The following MAP1B variants were observed in gnomAD, a reference collection of about 807,000 sequenced individuals.
MAP1B encodes microtubule-associated protein 1B.
A neutral mutation model predicts 176.1 loss-of-function variants in MAP1B; 12 were observed. The ratio of observed to expected loss-of-function variants is 0.07; its 90% CI spans 0.04 to 0.11. The LOEUF (loss-of-function observed/expected upper bound fraction) is 0.11, where lower values mean the gene tolerates loss of function less well. Ranked by LOEUF, MAP1B falls within the 10% of genes least tolerant of loss-of-function variation. MAP1B has a pLI of 1.00. For missense variants in MAP1B, 2,523 were observed against 2,990.5 expected, an observed-to-expected ratio of 0.84 and a Z score of 3.65; for synonymous variants, 1,044 against 1,135.0, an observed-to-expected ratio of 0.92 and a Z score of 1.61.
Position 72,196,077 on chromosome 5 carries a change from A to C in MAP1B, c.2722A>C (p.Thr908Pro). ...TGAAGGGGAGGGCGAATGTGAACAG[A>C]CACCTGAGGAGCTGGAGCCCGTCGA... ...TTEGEGECEQ[T>P]PEELEPVEKQ... Residue 908 changes from threonine (T) to proline (P), a missense_variant, in exon 5 of 7, where the codon ACA becomes CCA. Physicochemically the swap from Thr to Pro is conservative, Grantham distance 38. Transcript: ENST00000296755. This position sits in a 1 kb window ranked among gnomAD's most constrained non-coding sequence, Gnocchi z 5.3. 6.2e-7 allele frequency: 1 copy of C among 1,614,182 alleles called. No homozygotes were observed. The highest frequency in any genetic ancestry group is 8.5e-7 in the Non-Finnish European group (1 of 1,180,032).
At chr5:72,143,126 A>G (rs929284304) in intron 2 of MAP1B, among the ~76,000 whole-genome samples, 3 of 152,124 alleles carry the variant, frequency 2.0e-5, no homozygotes, top group African/African-American at 7.2e-5. Context: ...ACAAATACCA[A>G]CTAAGTGTAG....
At chr5:72,138,701 T>C (rs1053488663) in intron 2 of MAP1B, among the ~76,000 whole-genome samples, 4 of 152,220 alleles carry the variant, frequency 2.6e-5, no homozygotes, top group Admixed American at 6.5e-5. Context: ...TTATAAACCA[T>C]ATCTTCGAAG....
chr5:72,187,437 C>T (rs1746932180), intron 4 of MAP1B, among the ~76,000 whole-genome samples: 1 of 152,106 alleles, frequency 6.6e-6, no homozygotes. Context: ...GGGAATTTAT[C>T]CTGGCTGGGA....
At chr5:72,137,184 G>A (rs1007917673) in intron 2 of MAP1B, among the ~76,000 whole-genome samples, 1 of 152,080 alleles carries the variant, frequency 6.6e-6, no homozygotes, top group African/African-American at 2.4e-5. Flanking sequence ...ATCTTCCTAG[G>A]CATGTCAGAC....
chr5:72,163,400 A>G lies in MAP1B; in HGVS notation c.287-20343A>G, dbSNP rs534749012. On this transcript the variant is annotated intron_variant, in intron 2 of 6. Coordinates refer to ENST00000296755, the MANE Select transcript of MAP1B (RefSeq NM_005909.5). ...GAAGGGAGGATGTGTGATTGCCTCT[A>G]GCCCAACATTTGTAGCCAACTGGAT... Among the ~76,000 whole-genome samples, 5 of 152,296 alleles carry G rather than the reference A, an allele frequency of 3.3e-5. No homozygotes were observed. The East Asian group carries it at 9.6e-4, about 29-fold the overall frequency.
At chr5:72,123,415 C>T (rs962486205) in intron 2 of MAP1B, among the ~76,000 whole-genome samples, 1 of 151,578 alleles carries the variant, frequency 6.6e-6, no homozygotes, top group Non-Finnish European at 1.5e-5. Context: ...GCTACCCTCT[C>T]GTCTCAGCCT....
At chr5:72,123,599 C>T (rs892646300) in intron 2 of MAP1B, among the ~76,000 whole-genome samples, 1 of 152,074 alleles carries the variant, frequency 6.6e-6, no homozygotes, top group Non-Finnish European at 1.5e-5. Context: ...ATTCTCCTGC[C>T]TCAGGCTCCC....
chr5:72,139,150 A>G (rs1456261513), intron 2 of MAP1B, among the ~76,000 whole-genome samples: 1 of 152,220 alleles, frequency 6.6e-6, no homozygotes, highest in Non-Finnish European at 1.5e-5. Flanking sequence ...ATGTGGTAGA[A>G]TAATGACATG....
intron 2 of MAP1B, among the ~76,000 whole-genome samples, chr5:72,154,926 T>G (rs1411105522): frequency 1.3e-5 from 2 of 152,198 alleles, no homozygotes; most frequent in African/African-American, 4.8e-5. Context: ...GCTGGTGCAC[T>G]GCAAATTATT....
At chr5:72,141,411 G>A (rs887778747) in intron 2 of MAP1B, among the ~76,000 whole-genome samples, 18 of 152,354 alleles carry the variant, frequency 1.2e-4, no homozygotes, top group Admixed American at 2.6e-4. Flanking sequence ...AAAAGACATG[G>A]AAAGTCCTGA....
At chr5:72,200,411 CT>C in intron 5 of MAP1B, 44 bp downstream of exon 5, 1 of 1,581,740 alleles carries the variant, frequency 6.3e-7, no homozygotes, top group East Asian at 2.2e-5. Context: ...CACAACCATT[CT>C]ACTTGCGTTT....
At chr5:72,191,350 C>T (rs1561311976) in intron 4 of MAP1B, among the ~76,000 whole-genome samples, 2 of 152,242 alleles carry the variant, frequency 1.3e-5, no homozygotes, top group Non-Finnish European at 2.9e-5. Flanking sequence ...TCACAAGCTT[C>T]CTTGCCACTG....
At chr5:72,178,291 C>T (rs1746692047) in intron 2 of MAP1B, among the ~76,000 whole-genome samples, 1 of 152,266 alleles carries the variant, frequency 6.6e-6, no homozygotes, top group Non-Finnish European at 1.5e-5. Flanking sequence ...GCATGAGCCA[C>T]CGTGCCTGGC....
At chr5:72,174,055 G>A (rs1469345664) in intron 2 of MAP1B, among the ~76,000 whole-genome samples, 8 of 152,178 alleles carry the variant, frequency 5.3e-5, no homozygotes, top group Non-Finnish European at 1.0e-4. Context: ...ACTTCAGCCC[G>A]GGAGGTTAAG....
At chr5:72,191,759 A>C (rs1481442682) in intron 4 of MAP1B, among the ~76,000 whole-genome samples, 1 of 152,204 alleles carries the variant, frequency 6.6e-6, no homozygotes, top group Non-Finnish European at 1.5e-5. Context: ...TGCCTTGTAC[A>C]TCACGGTTGT....
rs545471707 is a variant in MAP1B, at chr5:72,204,111, T to C, written c.7251+310T>C. 3.1e-4 allele frequency among the ~76,000 whole-genome samples: 47 copies of C among 152,182 alleles called. No homozygotes were observed. Among genetic ancestry groups the C allele is most frequent in the Non-Finnish European group, 6.6e-4 (45 of 68,030 alleles). On this transcript the variant is annotated intron_variant, in intron 6 of 6. Coordinates refer to ENST00000296755, the MANE Select transcript of MAP1B (RefSeq NM_005909.5). The surrounding 1 kb of genome is among the most constrained non-coding windows in gnomAD (Gnocchi z 4.4). Reference sequence around the variant, plus strand: ...CCCTTCCTCCAGTATGCCAAGAGTCTTGTGTGTGTGAATCAAAGCGGTCAT... The same window carrying C: ...CCCTTCCTCCAGTATGCCAAGAGTCCTGTGTGTGTGAATCAAAGCGGTCAT...
At chr5:72,146,964 T>C (rs1425711824) in intron 2 of MAP1B, among the ~76,000 whole-genome samples, 6 of 149,522 alleles carry the variant, frequency 4.0e-5, no homozygotes, top group South Asian at 2.1e-4. Flanking sequence ...AAATCTTCTT[T>C]TTTTTTTTTT....
Position 72,186,846 on chromosome 5 carries a change from G to A in MAP1B, c.510+92G>A. On this transcript the variant is annotated intron_variant, in intron 4 of 6. Coordinates refer to ENST00000296755, the MANE Select transcript of MAP1B (RefSeq NM_005909.5). The surrounding 1 kb of genome is among the most constrained non-coding windows in gnomAD (Gnocchi z 4.3). ...CACTGGGGGAGACAAAAGAAGAAGG[G>A]AGGGAACCTCACAGCTCTCCTGAAA... is the stretch of plus-strand genomic sequence containing the variant. The A allele has an allele frequency of 2.0e-6, 3 of 1,464,242 alleles. No individual in the cohort carries two copies. The highest frequency in any genetic ancestry group is 2.8e-6 in the Non-Finnish European group (3 of 1,061,696). 90.7% of individuals were successfully genotyped at this position (1,464,242 alleles called of 1,614,324 possible). A position where few individuals can be genotyped will look rare whatever the true frequency, so the allele number is the denominator to read the frequency against.
intron 4 of MAP1B, among the ~76,000 whole-genome samples, chr5:72,188,927 C>T (rs771236380): frequency 6.6e-6 from 1 of 152,178 alleles, no homozygotes; most frequent in Non-Finnish European, 1.5e-5. Context: ...TTGAAAACCA[C>T]TGGACTGGAC....
Sources: allele counts gnomAD v4.1 joint callset (sites outside exome capture counted in the v4.1 genomes callset), GRCh38; gene constraint gnomAD v4.1.1; non-coding constraint Gnocchi (gnomAD v3.1); transcripts MANE v1.5; gene names NCBI Gene and HGNC (gene_info 2026-07-23, HGNC 2026-07-21).